Variants in PPP1R21 observed in about 807,000 individuals in gnomAD.
PPP1R21 encodes the protein protein phosphatase 1 regulatory subunit 21, also known as KLRAQ motif containing 1.
A neutral mutation model predicts 112.8 loss-of-function variants in PPP1R21; 85 were observed. The observed-to-expected ratio is 0.75, with a 90% CI of 0.63 to 0.90. The LOEUF (loss-of-function observed/expected upper bound fraction) is 0.90, where lower values mean the gene tolerates loss of function less well. Ranked by LOEUF, PPP1R21 falls within the 40% of genes least tolerant of loss-of-function variation. PPP1R21 has a pLI of 0.00. For missense variants in PPP1R21, 1,199 were observed against 901.5 expected (o/e 1.33, Z -4.23); for synonymous variants, 381 against 322.3 (o/e 1.18, Z -1.95).
chr2:48,509,772 G>GA (rs1295974567), intron 19 of PPP1R21, among the ~76,000 whole-genome samples: 1 of 152,096 alleles, frequency 6.6e-6, no homozygotes, highest in African/African-American at 2.4e-5. Context: ...CTAGAGTGAA[G>GA]AAAAAAACAT....
chr2:48,454,929 C>T (rs560796788), intron 3 of PPP1R21, among the ~76,000 whole-genome samples, 188 bp downstream of exon 3: 3 of 152,240 alleles, frequency 2.0e-5, no homozygotes, highest in East Asian at 3.9e-4. Context: ...AACCTCTGCT[C>T]CCAGGCTCAG....
chr2:48,476,770 T>G (rs1668773244), intron 12 of PPP1R21, among the ~76,000 whole-genome samples: 1 of 152,204 alleles, frequency 6.6e-6, no homozygotes, highest in African/African-American at 2.4e-5. Flanking sequence ...TATTGAGATC[T>G]TTTCTCCATT....
At chr2:48,463,469 T>G (rs904831842) in intron 7 of PPP1R21, among the ~76,000 whole-genome samples, 1 of 152,020 alleles carries the variant, frequency 6.6e-6, no homozygotes, top group African/African-American at 2.4e-5. Context: ...GACACTAGAT[T>G]GCCAGCACAG....
chr2:48,508,103 C>G (rs1162333931), intron 19 of PPP1R21, among the ~76,000 whole-genome samples: 4 of 151,234 alleles, frequency 2.6e-5, no homozygotes, highest in Non-Finnish European at 5.9e-5. Flanking sequence ...AGTTATTGCA[C>G]TATGCAGTAT....
At chr2:48,508,455 A>C (rs758034799) in intron 19 of PPP1R21, among the ~76,000 whole-genome samples, 1 of 151,960 alleles carries the variant, frequency 6.6e-6, no homozygotes, top group Non-Finnish European at 1.5e-5. Context: ...TGCTAAAATA[A>C]ATTGTGTGCT....
chr2:48,454,785 T>C (rs1667645783), intron 3 of PPP1R21, 44 bp downstream of exon 3: 3 of 1,445,568 alleles, frequency 2.1e-6, no homozygotes, highest in South Asian at 2.3e-5. Flanking sequence ...TGTCGTTAGT[T>C]ACTGACACCT....
chr2:48,465,684 A>T, intron 9 of PPP1R21, 42 bp downstream of exon 9: 2 of 1,572,288 alleles, frequency 1.3e-6, no homozygotes, highest in Non-Finnish European at 1.7e-6. Flanking sequence ...CCTGAACAAA[A>T]TAGGGAGATA....
chr2:48,445,318 C>T (rs1355584580), intron 1 of PPP1R21, among the ~76,000 whole-genome samples: 1 of 152,082 alleles, frequency 6.6e-6, no homozygotes, highest in Non-Finnish European at 1.5e-5. Context: ...GTGCTTGAAA[C>T]GTAGCTAGTG....
chr2:48,507,292 A>C lies in PPP1R21; in HGVS notation c.1992A>C (p.Glu664Asp). 6.4e-7 allele frequency: 1 copy of C among 1,570,336 alleles called. No homozygotes were observed. The highest frequency in any genetic ancestry group is 8.6e-7 in the Non-Finnish European group (1 of 1,164,292). ...DSEVPDVESR[E>D]DLIKNHYMAR... ...AGGTTCCAGATGTGGAATCTCGTGA[A>C]GACTTAATTAAAAATCACTACATGG... The change falls in exon 19 of 22, where the codon GAA (glutamate) becomes GAC (aspartate). Residue 664 changes from glutamate (E) to aspartate (D), a missense_variant. By Grantham distance (45) the Glu-to-Asp change is conservative (BLOSUM62 2). Transcript: ENST00000294952.
In PPP1R21 at chr2:48,479,983, G is replaced by C. The variant is rs143390930; in HGVS notation, c.1285G>C (p.Ala429Pro). Residue 429 changes from alanine to proline, a missense_variant, in exon 13 of 22, where the codon GCT becomes CCT. Physicochemically the swap from Ala to Pro is conservative, Grantham distance 27 (BLOSUM62 -1). Transcript: ENST00000294952. Reference sequence around the variant, plus strand: ...CAGTTCTGTGTTAACAAATGTTGGTGCTGCTCTGCATGGATTTCATGACGT... The same window carrying C: ...CAGTTCTGTGTTAACAAATGTTGGTCCTGCTCTGCATGGATTTCATGACGT... ...NYSSVLTNVGAALHGFHDVMK... is the reference protein window; with the variant it reads ...NYSSVLTNVGPALHGFHDVMK... 73 of 1,613,120 alleles carry C rather than the reference G, an allele frequency of 4.5e-5. No individual in the cohort carries two copies. The African/African-American group carries it at 7.7e-4, about 17-fold the overall frequency.
chr2:48,447,387 G>A (rs946892252), intron 1 of PPP1R21, among the ~76,000 whole-genome samples: 3 of 152,174 alleles, frequency 2.0e-5, no homozygotes, highest in African/African-American at 7.2e-5. Context: ...GGGATTCAGA[G>A]GTACTCTTCC....
chr2:48,497,439 T>C (rs1669897022), intron 16 of PPP1R21, among the ~76,000 whole-genome samples: 1 of 152,168 alleles, frequency 6.6e-6, no homozygotes, highest in East Asian at 1.9e-4. Context: ...CCCCCAAAGG[T>C]AACCATTCTC....
At chr2:48,455,710 G>C (rs774756920) in intron 3 of PPP1R21, among the ~76,000 whole-genome samples, 10 of 152,022 alleles carry the variant, frequency 6.6e-5, no homozygotes, top group Non-Finnish European at 1.3e-4. Context: ...TTGTCAAAGC[G>C]TTACTACTCA....
intron 19 of PPP1R21, among the ~76,000 whole-genome samples, chr2:48,509,635 G>T (rs1670542194): frequency 6.6e-6 from 1 of 151,926 alleles, no homozygotes; most frequent in African/African-American, 2.4e-5. Context: ...AACCCGGGAG[G>T]TGGAGGTTGC....
rs1420028467 is a variant in PPP1R21 at position 48,480,010 on chromosome 2, A to G, written c.1312A>G (p.Met438Val). The G allele has an allele frequency of 1.2e-6, 2 of 1,605,720 alleles. No homozygotes were observed. Among genetic ancestry groups the G allele is most frequent in the East Asian group, 2.2e-5 (1 of 44,854 alleles). ...TGCTCTGCATGGATTTCATGACGTT[A>G]TGAAAGGTAGGCCTTGAAAAAGAAC... ...GAALHGFHDV[M>V]KDISKHYSQK... is the part of the protein sequence containing the mutation. The change falls in exon 13 of 22, where the codon ATG becomes GTG. Residue 438 changes from methionine (M) to valine (V), a missense_variant. Physicochemically the swap from Met to Val is conservative, Grantham distance 21 (BLOSUM62 1). Coordinates refer to ENST00000294952, the MANE Select transcript of PPP1R21 (RefSeq NM_001135629.3).
In PPP1R21 at chr2:48,491,178, A is replaced by C. The variant is rs1191388518; in HGVS notation, c.1599+8A>C. Reference sequence around the variant, plus strand: ...ATGAAGTCTTTGAGAAAGGTTTGTTAGCTGCTGTTAATATTTAAATCAGAG... The same window carrying C: ...ATGAAGTCTTTGAGAAAGGTTTGTTCGCTGCTGTTAATATTTAAATCAGAG... On this transcript the variant is annotated splice_region_variant and intron_variant, in intron 15 of 21. Coordinates refer to ENST00000294952, the MANE Select transcript of PPP1R21 (RefSeq NM_001135629.3). 13 of 1,607,178 alleles carry C rather than the reference A, an allele frequency of 8.1e-6. No individual in the cohort carries two copies. Among genetic ancestry groups the C allele is most frequent in the Non-Finnish European group, 7.6e-6 (9 of 1,178,026 alleles).
intron 20 of PPP1R21, among the ~76,000 whole-genome samples, chr2:48,510,401 A>C (rs1670585160): frequency 6.6e-6 from 1 of 152,188 alleles, no homozygotes; most frequent in African/African-American, 2.4e-5. Flanking sequence ...CATACCCATC[A>C]TGGTGAGCTG....
rs1219210804 is a variant in PPP1R21 at position 48,459,744 on chromosome 2, C to T, written c.376-10C>T. The stretch of plus-strand genomic sequence containing the variant: ...TATTGTGAGAAGAGAAAATGGTCTT[C>T]TCTTTTTAGTTTTTTGAAGCTGATG... On this transcript the variant is annotated splice_polypyrimidine_tract_variant and intron_variant, in intron 4 of 21. Coordinates refer to ENST00000294952, the MANE Select transcript of PPP1R21 (RefSeq NM_001135629.3). 1.2e-6 allele frequency: 2 copies of T among 1,607,274 alleles called. No homozygotes were observed. The highest frequency in any genetic ancestry group is 1.7e-6 in the Non-Finnish European group (2 of 1,177,966).
Position 48,498,540 on chromosome 2 carries a change from A to G in PPP1R21, c.1740A>G (p.Glu580=), listed in dbSNP as rs777870263. The G allele has an allele frequency of 6.2e-7, 1 of 1,614,212 alleles. No individual in the cohort carries two copies. Among genetic ancestry groups the G allele is most frequent in the Admixed American group, 1.7e-5 (1 of 60,034 alleles). ...TTTCTAAACTGGAGCAGGAAAAAGAACATTGGATGTTGGAAGCACAATTAG... is the reference window on the plus strand; with the variant it reads ...TTTCTAAACTGGAGCAGGAAAAAGAGCATTGGATGTTGGAAGCACAATTAG... The part of the protein sequence containing the change: ...EKISKLEQEK[E]HWMLEAQLAK... Residue 580 remains glutamate, a synonymous_variant, in exon 17 of 22, where the codon GAA becomes GAG. Coordinates refer to ENST00000294952, the MANE Select transcript of PPP1R21 (RefSeq NM_001135629.3).
Sources: allele counts gnomAD v4.1 joint callset (sites outside exome capture counted in the v4.1 genomes callset), GRCh38; gene constraint gnomAD v4.1.1; transcripts MANE v1.5; gene names NCBI Gene and HGNC (gene_info 2026-07-23, HGNC 2026-07-21).